The following TP53TG3D variants were observed in gnomAD, a reference collection of about 807,000 sequenced individuals.
TP53TG3D encodes TP53 target 3D.
For synonymous variants in TP53TG3D, 2 were observed against 56.9 expected (o/e 0.04, Z 4.34); for missense variants, 4 against 139.9 (o/e 0.03, Z 4.90).
chr16:32,255,357 G>A (rs1400222232), exon 2 of TP53TG3D: 2 of 247,128 alleles, frequency 8.1e-6, no homozygotes, highest in Non-Finnish European at 1.6e-5. Flanking sequence ...GTTAGTTATT[G>A]ATTTATTTTT....
exon 2 of TP53TG3D, chr16:32,255,139 C>G: frequency 2.4e-6 from 2 of 831,766 alleles, no homozygotes; most frequent in Non-Finnish European, 1.9e-6. Context: ...AGACTTTCTC[C>G]AAGACAAAAA....
chr16:32,254,981 T>C, exon 2 of TP53TG3D: 1 of 1,096,508 alleles, frequency 9.1e-7, no homozygotes, highest in South Asian at 1.3e-5. Context: ...AAGAGCAGAA[T>C]CTCCGTGGGA....
intron 1 of TP53TG3D, 88 bp downstream of exon 1, chr16:32,253,803 CTT>C (rs1962141749): frequency 6.5e-7 from 1 of 1,544,560 alleles, no homozygotes; most frequent in African/African-American, 1.5e-5. Context: ...CGCTCCTCCT[CTT>C]GTCACTCCCT....
chr16:32,255,336 A>G (rs1268095671), exon 2 of TP53TG3D: 2 of 268,766 alleles, frequency 7.4e-6, no homozygotes, highest in African/African-American at 4.7e-5. Context: ...AATTTTTGCA[A>G]GTTTGCAGCT....
chr16:32,254,853 A>C (rs771439939), intron 1 of TP53TG3D, 38 bp from the exon 2 acceptor site: 5 of 1,591,284 alleles, frequency 3.1e-6, no homozygotes, highest in Middle Eastern at 2.3e-4. Flanking sequence ...TGATAGAACT[A>C]AACAGTGATC....
At chr16:32,254,727 G>C in intron 1 of TP53TG3D, 164 bp from the exon 2 acceptor site, 5 of 1,480,606 alleles carry the variant, frequency 3.4e-6, no homozygotes, top group Non-Finnish European at 4.5e-6. Context: ...CAACACATGA[G>C]GGTAGTTTGT....
rs754674024 is a variant in TP53TG3D at position 32,254,935 on chromosome 16, T to C, written c.*32T>C. The C allele has an allele frequency of 4.4e-6, 7 of 1,574,002 alleles. No homozygotes were observed. The South Asian group carries it at 5.6e-5, about 13-fold the overall frequency. On this transcript the variant is annotated 3_prime_UTR_variant, in exon 2 of 2. Transcript: ENST00000398664. ...CACGACTACTCGCTTCTGAAACTGA[T>C]AGACACTGCCTCAGCTCCGTGCAGG...
chr16:32,253,611 T>G (rs200283002), exon 1 of TP53TG3D: 1 of 1,586,388 alleles, frequency 6.3e-7, no homozygotes, highest in Non-Finnish European at 8.5e-7. Context: ...ACACCCTGTC[T>G]CCTCGAGCTG....
chr16:32,254,899 G>T lies in TP53TG3D; in HGVS notation c.371G>T (p.Gly124Val). The T allele has an allele frequency of 2.5e-6, 4 of 1,598,788 alleles. 1 individual carries two copies. Among genetic ancestry groups the T allele is most frequent in the Non-Finnish European group, 3.4e-6 (4 of 1,171,756 alleles). The change falls in exon 2 of 2, where the codon GGT becomes GTT. Residue 124 changes from glycine (G) to valine (V), a missense_variant. Coordinates refer to ENST00000398664, the Ensembl canonical transcript of TP53TG3D. Reference sequence around the variant, plus strand: ...TTCATGTTTCCATTAAGTTTTTCAGGTTAAGTACTGCACGACTACTCGCTT... The same window carrying T: ...TTCATGTTTCCATTAAGTTTTTCAGTTTAAGTACTGCACGACTACTCGCTT...
At chr16:32,254,829 T>G in intron 1 of TP53TG3D, 62 bp from the exon 2 acceptor site, 1 of 1,605,976 alleles carries the variant, frequency 6.2e-7, no homozygotes, top group Non-Finnish European at 8.5e-7. Context: ...CTTGGACCAC[T>G]TTTAATAGTT....
chr16:32,254,773 C>A lies in TP53TG3D; in HGVS notation c.363-118C>A, dbSNP rs553478701. On this transcript the variant is annotated intron_variant, in intron 1 of 1. Transcript: ENST00000398664. Reference sequence around the variant, plus strand: ...CAGGGATAGTGTCTGCGCTTCTACCCTGAATAGGGCTCCCTTGGAAAATAA... The same window carrying A: ...CAGGGATAGTGTCTGCGCTTCTACCATGAATAGGGCTCCCTTGGAAAATAA... 294 of 1,590,418 alleles carry A rather than the reference C, an allele frequency of 1.8e-4. 19 individuals carry two copies. The South Asian group carries it at 3.1e-3, about 17-fold the overall frequency.
chr16:32,255,132 CTT>C, exon 2 of TP53TG3D: 1 of 827,002 alleles, frequency 1.2e-6, no homozygotes, highest in Non-Finnish European at 1.9e-6. Context: ...TAACGTCAGA[CTT>C]TCTCCAAGAC....
rs1260901241 is a variant in TP53TG3D at position 32,254,683 on chromosome 16, G to T, written c.363-208G>T. On this transcript the variant is annotated intron_variant, in intron 1 of 1. Transcript: ENST00000398664. ...GGACCTCCGGGCCGTGATTAATGCA[G>T]GTCAGCAGGACCAGAGCGCCCCTTG... 94 of 1,452,544 alleles carry T rather than the reference G, an allele frequency of 6.5e-5. 2 individuals are homozygous for T. Among genetic ancestry groups the T allele is most frequent in the Non-Finnish European group, 8.2e-5 (91 of 1,105,074 alleles). 90.0% of individuals were successfully genotyped at this position (1,452,544 alleles called of 1,614,324 possible).
At chr16:32,254,708 G>A in intron 1 of TP53TG3D, 183 bp from the exon 2 acceptor site, 1 of 1,462,662 alleles carries the variant, frequency 6.8e-7, no homozygotes, top group Non-Finnish European at 9.0e-7. Context: ...AGCGCCCCTT[G>A]GTCCCTCCCA....
At chr16:32,254,856 C>T in intron 1 of TP53TG3D, 35 bp from the exon 2 acceptor site, 1 of 1,583,646 alleles carries the variant, frequency 6.3e-7, no homozygotes, top group Non-Finnish European at 8.6e-7. Flanking sequence ...TAGAACTAAA[C>T]AGTGATCATT....
chr16:32,254,150 TGC>T, intron 1 of TP53TG3D: 1 of 455,398 alleles, frequency 2.2e-6, no homozygotes, highest in African/African-American at 3.7e-5. Flanking sequence ...CTTTCACACA[TGC>T]GCAGTGCACC....
exon 2 of TP53TG3D, chr16:32,255,249 C>A (rs1481314055): frequency 8.3e-5 from 33 of 397,804 alleles, no homozygotes; most frequent in Non-Finnish European, 9.0e-5. Flanking sequence ...CACAATATGG[C>A]CTTGGTATGG....
chr16:32,254,971 A>G (rs1962190287), exon 2 of TP53TG3D: 7 of 1,217,124 alleles, frequency 5.8e-6, no homozygotes, highest in Non-Finnish European at 8.4e-6. Flanking sequence ...GCAGACGCAC[A>G]AGAGCAGAAT....
chr16:32,255,392 C>T (rs1962204180), exon 2 of TP53TG3D: 2 of 223,718 alleles, frequency 8.9e-6, no homozygotes, highest in Admixed American at 5.7e-5. Flanking sequence ...TCTTCTGTCT[C>T]TCTCCTCTCC....
Sources: allele counts gnomAD v4.1 joint callset, GRCh38; gene constraint gnomAD v4.1.1; transcripts MANE v1.5; gene names NCBI Gene and HGNC (gene_info 2026-07-23, HGNC 2026-07-21).